The following PSMB5 variants were observed in gnomAD, a reference collection of about 807,000 sequenced individuals.
The protein encoded by PSMB5 is proteasome subunit beta type-5.
A neutral mutation model predicts 22.8 loss-of-function variants in PSMB5; 2 were observed. That is an observed-to-expected ratio of 0.09 (90% CI 0.04 to 0.28). The LOEUF (loss-of-function observed/expected upper bound fraction) is 0.28. Among genes scored for constraint, PSMB5 ranks in the 10% least tolerant of loss-of-function variants. The pLI, the probability that PSMB5 is intolerant of heterozygous loss-of-function variation, is 1.00. For synonymous variants in PSMB5, 133 were observed against 135.3 expected (o/e 0.98, Z 0.12); for missense variants, 269 against 343.8 (o/e 0.78, Z 1.72).
At chr14:23,034,997 T>G, upstream of PSMB5, 3 of 1,442,964 alleles carry the variant, frequency 2.1e-6, no homozygotes, top group Non-Finnish European at 2.7e-6. Flanking sequence ...GGAGCCATTT[T>G]GACTGCTGGC....
At position 23,034,877 on chromosome 14, in the gene PSMB5, G is replaced by T. The variant is rs1289853599; in HGVS notation, c.5C>A (p.Ala2Glu). The T allele has an allele frequency of 6.2e-7, 1 of 1,613,820 alleles. No homozygotes were observed. The highest frequency in any genetic ancestry group is 1.3e-5 in the African/African-American group (1 of 74,912). ...CGGTCTCTCCAACACGCTGGCAAGC[G>T]CCATGTCTAGTGTGGGCAGAAAGAA... The part of the protein sequence containing the change: M[A>E]LASVLERPLP... Residue 2 changes from alanine (A) to glutamate (E), a missense_variant, in exon 1 of 3, where the codon GCG (alanine) becomes GAG (glutamate). Physicochemically the swap from Ala to Glu is moderately radical, Grantham distance 107. Around this residue, in one of 3 missense-constraint regions of PSMB5, gnomAD observed 81 missense variants for 70.4 expected, o/e 1.15. Transcript: ENST00000361611.
chr14:23,031,999 G>C (rs1396749005), intron 2 of PSMB5, among the ~76,000 whole-genome samples: 1 of 152,148 alleles, frequency 6.6e-6, no homozygotes, highest in South Asian at 2.1e-4. Context: ...TGAGGCAGGA[G>C]AATCACTTGA....
chr14:23,031,698 G>A (rs1351486291), intron 2 of PSMB5, among the ~76,000 whole-genome samples: 2 of 152,172 alleles, frequency 1.3e-5, no homozygotes, highest in African/African-American at 2.4e-5. Flanking sequence ...CTTAAATGCT[G>A]GAAAGGAAAA....
At chr14:23,034,068 G>A (rs1204010957) in intron 1 of PSMB5, among the ~76,000 whole-genome samples, 2 of 151,762 alleles carry the variant, frequency 1.3e-5, no homozygotes, top group Non-Finnish European at 2.9e-5. Flanking sequence ...CTACTCTGGA[G>A]GCTGAGGCGC....
intron 2 of PSMB5, among the ~76,000 whole-genome samples, 162 bp downstream of exon 2, chr14:23,033,204 GAC>G (rs764685860): frequency 6.6e-6 from 1 of 150,616 alleles, no homozygotes; most frequent in Admixed American, 6.6e-5. Flanking sequence ...GACAGAATGA[GAC>G]ACAGTCTAAA....
intron 2 of PSMB5, among the ~76,000 whole-genome samples, chr14:23,030,667 C>T (rs2046946142): frequency 6.6e-6 from 1 of 152,156 alleles, no homozygotes; most frequent in African/African-American, 2.4e-5. Flanking sequence ...TATGGTGGCT[C>T]ACGCCACCCA....
intron 2 of PSMB5, chr14:23,027,955 C>T: frequency 1.8e-6 from 1 of 542,040 alleles, no homozygotes; most frequent in Non-Finnish European, 3.4e-6. Flanking sequence ...ACAAGCCTGA[C>T]CAACATGGAG....
intron 2 of PSMB5, among the ~76,000 whole-genome samples, chr14:23,032,317 G>A (rs1357513024): frequency 2.0e-5 from 3 of 152,120 alleles, no homozygotes; most frequent in Non-Finnish European, 4.4e-5. Flanking sequence ...GCTGGTGGGC[G>A]CTTGTAATCC....
intron 1 of PSMB5, 125 bp from the exon 2 acceptor site, chr14:23,033,799 A>G: frequency 1.3e-6 from 1 of 764,912 alleles, no homozygotes; most frequent in Non-Finnish European, 2.1e-6. Flanking sequence ...ACTTCACAGT[A>G]TACTTCTATA....
intron 1 of PSMB5, among the ~76,000 whole-genome samples, 171 bp from the exon 2 acceptor site, chr14:23,033,845 CA>C (rs1483696782): frequency 6.6e-6 from 1 of 152,244 alleles, no homozygotes; most frequent in Non-Finnish European, 1.5e-5. Context: ...AGCTTCACAT[CA>C]ATCCCTTGAC....
In PSMB5 at chr14:23,033,977, C is replaced by T. The variant is rs538818120; in HGVS notation, c.199-303G>A. Among the ~76,000 whole-genome samples the T allele has an allele frequency of 9.2e-5, 14 of 152,200 alleles. No homozygotes were observed. In the South Asian group the frequency reaches 2.9e-3, roughly 32 times the overall value. On this transcript the variant is annotated intron_variant, in intron 1 of 2. Transcript: ENST00000361611. ...CTTGAGGCCAGGTGCTGGAGACCAG[C>T]CTGGGCAACACAGGGAGATCCATCT... is the stretch of plus-strand genomic sequence containing the variant.
intron 2 of PSMB5, among the ~76,000 whole-genome samples, chr14:23,026,917 T>G (rs1480011388): frequency 6.8e-6 from 1 of 147,796 alleles, no homozygotes; most frequent in East Asian, 2.0e-4. Context: ...ACCCCATCTC[T>G]ACTAAAAATA....
chr14:23,030,421 G>C (rs1236233015), intron 2 of PSMB5, among the ~76,000 whole-genome samples: 1 of 151,746 alleles, frequency 6.6e-6, no homozygotes, highest in Non-Finnish European at 1.5e-5. Flanking sequence ...TCCGGGAGGC[G>C]GAGCTTGCAG....
intron 1 of PSMB5, chr14:23,034,478 C>G: frequency 1.6e-6 from 1 of 614,520 alleles, no homozygotes; most frequent in East Asian, 2.9e-5. Context: ...CGACTTACCC[C>G]CGGCCCCACC....
intron 1 of PSMB5, chr14:23,034,476 C>G: frequency 3.3e-6 from 2 of 607,822 alleles, no homozygotes; most frequent in Non-Finnish European, 5.7e-6. Flanking sequence ...CCCGACTTAC[C>G]CCCGGCCCCA....
chr14:23,031,207 C>CTTT (rs1436481412), intron 2 of PSMB5, among the ~76,000 whole-genome samples: 1 of 152,166 alleles, frequency 6.6e-6, no homozygotes, highest in African/African-American at 2.4e-5. Flanking sequence ...TCCCTGTACT[C>CTTT]TTTTACACTG....
upstream of PSMB5, chr14:23,035,065 C>CG: frequency 8.1e-7 from 1 of 1,239,068 alleles, no homozygotes; most frequent in Non-Finnish European, 1.1e-6. Flanking sequence ...TGAAGGGGGT[C>CG]GGGGAAATAG....
chr14:23,026,066 C>T lies in PSMB5; in HGVS notation c.*23G>A, dbSNP rs1322303492. 1 of 1,610,252 alleles carries T rather than the reference C, an allele frequency of 6.2e-7. No individual in the cohort carries two copies. The highest frequency in any genetic ancestry group is 8.5e-7 in the Non-Finnish European group (1 of 1,177,160). Reference sequence around the variant, plus strand: ...CCAATGACAGTCACCCCAAGAAACACAAGCAGCTGCATCCACCCTCTTTCA... The same window carrying T: ...CCAATGACAGTCACCCCAAGAAACATAAGCAGCTGCATCCACCCTCTTTCA... On this transcript the variant is annotated 3_prime_UTR_variant, in exon 3 of 3. Transcript: ENST00000361611.
intron 2 of PSMB5, among the ~76,000 whole-genome samples, chr14:23,031,946 G>A (rs1250343044): frequency 6.6e-6 from 1 of 151,722 alleles, no homozygotes; most frequent in Non-Finnish European, 1.5e-5. Context: ...AAAATTAGAC[G>A]CGCATGGTGG....
Sources: gnomAD v4.1 joint callset for allele counts (sites outside exome capture counted in the v4.1 genomes callset) on GRCh38, gnomAD v4.1.1 for gene constraint, gnomAD v4.1.1 regional missense constraint, MANE v1.5 for transcripts, NCBI Gene and HGNC (gene_info 2026-07-23, HGNC 2026-07-21) for gene names.